Variants in FMNL2 observed in about 807,000 individuals in gnomAD.
FMNL2 encodes formin like 2.
In FMNL2, 51 loss-of-function variants were observed where a neutral mutation model predicts 130.2. That is an observed-to-expected ratio of 0.39 (90% CI 0.31 to 0.49). The LOEUF (loss-of-function observed/expected upper bound fraction) is 0.49. Ranked by LOEUF, FMNL2 falls within the 20% of genes least tolerant of loss-of-function variation. FMNL2 has a pLI of 0.85. For missense variants in FMNL2, 977 were observed against 1,316.2 expected (o/e 0.74, Z 3.99); for synonymous variants, 465 against 467.1 (o/e 1.00, Z 0.06).
intron 4 of FMNL2, 89 bp from the exon 5 acceptor site, chr2:152,558,651 G>A (rs1695356015): frequency 1.6e-6 from 2 of 1,233,508 alleles, no homozygotes; most frequent in Non-Finnish European, 2.3e-6. Context: ...AGTTTCTGGT[G>A]GAAAAAACAA....
intron 2 of FMNL2, chr2:152,539,521 C>T (rs945400730): frequency 6.6e-6 from 1 of 152,200 alleles, no homozygotes; most frequent in South Asian, 2.1e-4. Flanking sequence ...CAATGTGGAC[C>T]AACTGTGTTT....
At chr2:152,625,190 A>C (rs1681695579) in intron 15 of FMNL2, 2 of 409,062 alleles carry the variant, frequency 4.9e-6, no homozygotes, top group East Asian at 6.6e-5. Context: ...AAAAGAAAAA[A>C]AAAAATCAAC....
chr2:152,502,182 A>T (rs892126748), intron 1 of FMNL2, among the ~76,000 whole-genome samples: 1 of 152,194 alleles, frequency 6.6e-6, no homozygotes, highest in South Asian at 2.1e-4. Context: ...CTCTCTTCCC[A>T]TTCAAATATA....
At chr2:152,545,190 T>C (rs997094140) in intron 3 of FMNL2, among the ~76,000 whole-genome samples, 3 of 152,074 alleles carry the variant, frequency 2.0e-5, no homozygotes, top group Non-Finnish European at 4.4e-5. Context: ...GCTTAAAGCC[T>C]GGAAAAAAAG....
chr2:152,406,368 A>G (rs1685980402), intron 1 of FMNL2, among the ~76,000 whole-genome samples: 1 of 149,792 alleles, frequency 6.7e-6, no homozygotes, highest in South Asian at 2.1e-4. Flanking sequence ...GCACTCTGTT[A>G]GGTTACAATT....
chr2:152,635,098 C>CA (rs1682477985), intron 21 of FMNL2, among the ~76,000 whole-genome samples: 1 of 152,010 alleles, frequency 6.6e-6, no homozygotes, highest in Non-Finnish European at 1.5e-5. Flanking sequence ...CACTTGAAAG[C>CA]AACGATTTTT....
chr2:152,384,179 C>G (rs796222547), intron 1 of FMNL2, among the ~76,000 whole-genome samples: 26 of 152,340 alleles, frequency 1.7e-4, no homozygotes, highest in African/African-American at 5.8e-4. Context: ...GAAACTGATT[C>G]TGAGGAGTAA....
At chr2:152,450,736 C>T (rs1688595197) in intron 1 of FMNL2, among the ~76,000 whole-genome samples, 1 of 152,218 alleles carries the variant, frequency 6.6e-6, no homozygotes, top group South Asian at 2.1e-4. Flanking sequence ...GACCTCCCAT[C>T]GCAGTCTCCT....
At chr2:152,469,241 A>T (rs1008781133) in intron 1 of FMNL2, among the ~76,000 whole-genome samples, 5 of 152,112 alleles carry the variant, frequency 3.3e-5, no homozygotes. Flanking sequence ...TTGTCATCTG[A>T]GAACCTTTGC....
intron 1 of FMNL2, among the ~76,000 whole-genome samples, chr2:152,446,903 G>C (rs1424042142): frequency 1.3e-5 from 2 of 152,142 alleles, no homozygotes; most frequent in Non-Finnish European, 2.9e-5. Context: ...CAAAGGCAAA[G>C]ATTTTATAAA....
chr2:152,535,765 A>G (rs1011813325), intron 2 of FMNL2, among the ~76,000 whole-genome samples: 2 of 152,198 alleles, frequency 1.3e-5, no homozygotes, highest in African/African-American at 2.4e-5. Context: ...TCTGGTAGTC[A>G]TTATACAAAT....
At chr2:152,402,873 T>C (rs1685783413) in intron 1 of FMNL2, among the ~76,000 whole-genome samples, 1 of 152,216 alleles carries the variant, frequency 6.6e-6, no homozygotes, top group South Asian at 2.1e-4. Flanking sequence ...CTTTCCTCAG[T>C]TGATACTTAA....
chr2:152,582,445 G>T (rs1032253814), intron 9 of FMNL2, among the ~76,000 whole-genome samples: 7 of 152,080 alleles, frequency 4.6e-5, no homozygotes, highest in African/African-American at 1.7e-4. Flanking sequence ...TTAAGATTTT[G>T]ATATTATCCA....
At chr2:152,501,639 G>C (rs549670718) in intron 1 of FMNL2, among the ~76,000 whole-genome samples, 1 of 152,224 alleles carries the variant, frequency 6.6e-6, no homozygotes, top group Admixed American at 6.5e-5. Context: ...GGAGCAAAGA[G>C]CCTGATTGTG....
rs186618195 is a variant in FMNL2 at position 152,623,098 on chromosome 2, G to C, written c.1838-2340G>C. ...TTTCTTGCCTGTGTTCTGATCTCAG[G>C]CTTATTCCTGACCTTGCTAAATAGT... On this transcript the variant is annotated intron_variant, in intron 15 of 25. Transcript: ENST00000288670. 6.9e-4 allele frequency among the ~76,000 whole-genome samples: 105 copies of C among 152,262 alleles called. 1 individual carries two copies. Among genetic ancestry groups the C allele is most frequent in the South Asian group, 1.7e-3 (8 of 4,820 alleles).
At chr2:152,602,658 A>C (rs1698138972) in intron 9 of FMNL2, among the ~76,000 whole-genome samples, 1 of 152,342 alleles carries the variant, frequency 6.6e-6, no homozygotes, top group South Asian at 2.1e-4. Flanking sequence ...TTTATTAAAA[A>C]GTTTTTGCAC....
chr2:152,585,737 C>T (rs969095615), intron 9 of FMNL2, among the ~76,000 whole-genome samples: 3 of 152,168 alleles, frequency 2.0e-5, no homozygotes, highest in Non-Finnish European at 4.4e-5. Flanking sequence ...GGTTAAGGAC[C>T]TCAACCAGTC....
At chr2:152,598,160 C>G (rs1251170151) in intron 9 of FMNL2, among the ~76,000 whole-genome samples, 1 of 152,186 alleles carries the variant, frequency 6.6e-6, no homozygotes, top group East Asian at 1.9e-4. Context: ...ACAGCTCTAG[C>G]CACGTGCTCT....
chr2:152,381,346 C>T (rs1684448826), intron 1 of FMNL2, among the ~76,000 whole-genome samples: 1 of 152,078 alleles, frequency 6.6e-6, no homozygotes, highest in Admixed American at 6.5e-5. Context: ...CCTGAACAGA[C>T]GAGTTTGTGA....
Sources: allele counts gnomAD v4.1 joint callset (sites outside exome capture counted in the v4.1 genomes callset), GRCh38; gene constraint gnomAD v4.1.1; transcripts MANE v1.5; gene names NCBI Gene and HGNC (gene_info 2026-07-23, HGNC 2026-07-21).